Variants in ZBTB44 observed in about 807,000 individuals in gnomAD.
The protein encoded by ZBTB44 is zinc finger and BTB domain containing 44.
ZBTB44 carries 15 observed loss-of-function variants against 54.0 expected under a neutral mutation model. That is an observed-to-expected ratio of 0.28 (90% CI 0.19 to 0.43). The LOEUF (loss-of-function observed/expected upper bound fraction) is 0.43, where lower values mean the gene tolerates loss of function less well. Among genes scored for constraint, ZBTB44 ranks in the 20% least tolerant of loss-of-function variants. The probability of loss-of-function intolerance (pLI) is 1.00; values close to 1 mark genes in which losing one functional copy is unlikely to be tolerated. For missense variants in ZBTB44, 487 were observed against 707.1 expected, an observed-to-expected ratio of 0.69 and a Z score of 3.53; for synonymous variants, 230 against 250.1, an observed-to-expected ratio of 0.92 and a Z score of 0.76.
chr11:130,281,415 A>G (rs1245568460), intron 1 of ZBTB44, among the ~76,000 whole-genome samples: 1 of 151,880 alleles, frequency 6.6e-6, no homozygotes, highest in African/African-American at 2.4e-5. Context: ...AGGTACTTAG[A>G]AAGCTAAGGT....
At chr11:130,260,532 CAT>C (rs1938787014) in intron 2 of ZBTB44, among the ~76,000 whole-genome samples, 1 of 152,128 alleles carries the variant, frequency 6.6e-6, no homozygotes, top group African/African-American at 2.4e-5. Flanking sequence ...CTTTATGTAT[CAT>C]AAATGTTTGC....
intron 2 of ZBTB44, among the ~76,000 whole-genome samples, chr11:130,247,743 G>GAA (rs35679069): frequency 6.6e-6 from 1 of 150,804 alleles, no homozygotes. Context: ...AAGCCAGTGA[G>GAA]AAAAAAAAAC....
intron 2 of ZBTB44, among the ~76,000 whole-genome samples, chr11:130,255,909 A>AC (rs1938398627): frequency 6.7e-6 from 1 of 150,334 alleles, no homozygotes; most frequent in African/African-American, 2.5e-5. Context: ...AAAAAAAAAA[A>AC]AAAAAAAAAA....
intron 2 of ZBTB44, among the ~76,000 whole-genome samples, chr11:130,257,601 A>C (rs927350455): frequency 6.6e-6 from 1 of 152,236 alleles, no homozygotes; most frequent in African/African-American, 2.4e-5. Context: ...CTTCAAAGGG[A>C]ACTAACACCT....
chr11:130,293,768 C>T (rs954475848), intron 1 of ZBTB44, among the ~76,000 whole-genome samples: 1 of 152,046 alleles, frequency 6.6e-6, no homozygotes, highest in African/African-American at 2.4e-5. Flanking sequence ...TGCACTCCAG[C>T]CTGGGCAACA....
At chr11:130,313,972 T>TTA in intron 1 of ZBTB44, among the ~76,000 whole-genome samples, 1 of 150,778 alleles carries the variant, frequency 6.6e-6, no homozygotes, top group Non-Finnish European at 1.5e-5. Flanking sequence ...ATATATTTTT[T>TTA]TAAAGAAGTG....
chr11:130,294,665 G>A (rs1166621805), intron 1 of ZBTB44, among the ~76,000 whole-genome samples: 2 of 148,036 alleles, frequency 1.4e-5, no homozygotes, highest in South Asian at 2.1e-4. Context: ...TTGAATTTTT[G>A]CAATCAGACC....
At chr11:130,244,610 T>C (rs1432779114) in intron 2 of ZBTB44, among the ~76,000 whole-genome samples, 1 of 143,584 alleles carries the variant, frequency 7.0e-6, no homozygotes, top group Admixed American at 7.4e-5. Context: ...GAGCTTGCAG[T>C]GAGCCAAGAT....
chr11:130,289,842 C>T (rs1941199603), intron 1 of ZBTB44, among the ~76,000 whole-genome samples: 1 of 152,166 alleles, frequency 6.6e-6, no homozygotes, highest in Non-Finnish European at 1.5e-5. Context: ...TTTCTGATAA[C>T]ATAAATTGAA....
chr11:130,283,443 C>T (rs1940689085), intron 1 of ZBTB44, among the ~76,000 whole-genome samples: 2 of 152,070 alleles, frequency 1.3e-5, no homozygotes, highest in South Asian at 4.1e-4. Flanking sequence ...ATCAGCAAGG[C>T]CAGATTTTTA....
intron 4 of ZBTB44, 25 bp downstream of exon 4, chr11:130,238,419 G>A (rs373006294): frequency 8.8e-6 from 14 of 1,589,302 alleles, no homozygotes; most frequent in Admixed American, 7.2e-5. Context: ...GTTCACTTAC[G>A]CACCAACAGG....
chr11:130,307,646 C>T (rs745770919), intron 1 of ZBTB44, among the ~76,000 whole-genome samples: 1 of 152,034 alleles, frequency 6.6e-6, no homozygotes, highest in Non-Finnish European at 1.5e-5. Flanking sequence ...ATACCACAAC[C>T]GTCCCATATT....
chr11:130,306,647 T>C (rs375084315), intron 1 of ZBTB44, among the ~76,000 whole-genome samples: 11 of 152,056 alleles, frequency 7.2e-5, no homozygotes, highest in African/African-American at 1.7e-4. Flanking sequence ...TGCAAAAATA[T>C]AGAACCAACC....
intron 2 of ZBTB44, among the ~76,000 whole-genome samples, chr11:130,245,795 G>A (rs757477353): frequency 1.3e-5 from 2 of 152,218 alleles, no homozygotes; most frequent in Non-Finnish European, 2.9e-5. Context: ...AGGAGGGAAT[G>A]GACTCTTGGT....
intron 1 of ZBTB44, among the ~76,000 whole-genome samples, chr11:130,308,505 G>A (rs1252339221): frequency 6.6e-6 from 1 of 152,122 alleles, no homozygotes; most frequent in Non-Finnish European, 1.5e-5. Context: ...TTTCCTTACT[G>A]CAAAATAAGA....
At chr11:130,250,925 T>C (rs1391578073) in intron 2 of ZBTB44, among the ~76,000 whole-genome samples, 1 of 152,114 alleles carries the variant, frequency 6.6e-6, no homozygotes, top group Non-Finnish European at 1.5e-5. Context: ...GGCACAACAC[T>C]GGACAGAGAA....
intron 2 of ZBTB44, among the ~76,000 whole-genome samples, chr11:130,244,597 G>A (rs1305987782): frequency 1.3e-5 from 2 of 151,106 alleles, no homozygotes; most frequent in East Asian, 2.0e-4. Flanking sequence ...AACATGGGAG[G>A]CAGAGCTTGC....
chr11:130,234,419 C>G, intron 5 of ZBTB44, 146 bp from the exon 6 acceptor site: 1 of 1,001,850 alleles, frequency 1.0e-6, no homozygotes, highest in Non-Finnish European at 1.4e-6. Context: ...CAGGAACTTT[C>G]AACTTATAAA....
chr11:130,260,798 A>G, intron 2 of ZBTB44, 58 bp downstream of exon 2: 1 of 1,511,874 alleles, frequency 6.6e-7, no homozygotes, highest in Non-Finnish European at 8.8e-7. Flanking sequence ...TCTAACAGGA[A>G]CTTAAAAATG....
Sources: gnomAD v4.1 joint callset for allele counts (sites outside exome capture counted in the v4.1 genomes callset) on GRCh38, gnomAD v4.1.1 for gene constraint, MANE v1.5 for transcripts, NCBI Gene and HGNC (gene_info 2026-07-23, HGNC 2026-07-21) for gene names.